The following ZNF184 variants were observed in gnomAD, a reference collection of about 807,000 sequenced individuals.
ZNF184 encodes zinc finger protein 184, also known as zinc finger protein 184 (Kruppel-like).
A neutral mutation model predicts 54.4 loss-of-function variants in ZNF184; 16 were observed. The ratio of observed to expected loss-of-function variants is 0.29; its 90% CI spans 0.20 to 0.45. The LOEUF (loss-of-function observed/expected upper bound fraction) is 0.45, where lower values mean the gene tolerates loss of function less well. ZNF184 is among the 20% of genes least tolerant of loss of function. The pLI, the probability that ZNF184 is intolerant of heterozygous loss-of-function variation, is 1.00. For missense variants in ZNF184, 681 were observed against 888.2 expected, an observed-to-expected ratio of 0.77 and a Z score of 2.97; for synonymous variants, 254 against 295.3, an observed-to-expected ratio of 0.86 and a Z score of 1.43.
the ZNF184 span, among the ~76,000 whole-genome samples, chr6:27,445,007 G>A: frequency 6.6e-6 from 1 of 152,304 alleles, no homozygotes; most frequent in Admixed American, 6.5e-5. Flanking sequence ...GGTGGTGGGA[G>A]TGTAAATTGG....
At chr6:27,438,463 CT>C in the ZNF184 span, among the ~76,000 whole-genome samples, 2 of 152,056 alleles carry the variant, frequency 1.3e-5, no homozygotes, top group Admixed American at 6.6e-5. Flanking sequence ...ATTGGACATG[CT>C]TTTTTTAATT....
intron 2 of ZNF184, among the ~76,000 whole-genome samples, chr6:27,471,398 G>C (rs1763271621): frequency 6.6e-6 from 1 of 152,150 alleles, no homozygotes; most frequent in Non-Finnish European, 1.5e-5. Context: ...TGTAAATCTA[G>C]ATCACTGCAG....
intron 3 of ZNF184, among the ~76,000 whole-genome samples, chr6:27,461,200 T>C (rs1762986324): frequency 6.6e-6 from 1 of 152,194 alleles, no homozygotes; most frequent in African/African-American, 2.4e-5. Context: ...CAGGATTCCC[T>C]GGGTAGACAT....
chr6:27,453,400 G>A lies in ZNF184; in HGVS notation c.299-140C>T. On this transcript the variant is annotated intron_variant, in intron 5 of 5. Transcript: ENST00000683788. This position sits in a 1 kb window ranked among gnomAD's most constrained non-coding sequence, Gnocchi z 4.7. ...CAAATATATAGCCATATTATTTGGG[G>A]AGAAAGTTGGAAGGAGCTAAGGAGA... The A allele has an allele frequency of 1.2e-6, 1 of 865,846 alleles. No individual in the cohort carries two copies. Among genetic ancestry groups the A allele is most frequent in the Non-Finnish European group, 1.6e-6 (1 of 613,288 alleles). 53.6% of individuals were successfully genotyped at this position (865,846 alleles called of 1,614,324 possible).
the ZNF184 span, among the ~76,000 whole-genome samples, chr6:27,410,720 C>T: frequency 2.4e-4 from 36 of 152,178 alleles, no homozygotes; most frequent in South Asian, 2.3e-3. Context: ...TTAGTAGAGA[C>T]GGGGTTTCAG....
At chr6:27,423,738 G>T in the ZNF184 span, among the ~76,000 whole-genome samples, 1 of 152,148 alleles carries the variant, frequency 6.6e-6, no homozygotes, top group African/African-American at 2.4e-5. Flanking sequence ...TATATACAAA[G>T]AAAGATTATG....
chr6:27,463,127 G>T (rs1763041005), intron 3 of ZNF184, among the ~76,000 whole-genome samples: 1 of 121,606 alleles, frequency 8.2e-6, no homozygotes, highest in African/African-American at 3.1e-5. Flanking sequence ...GACTGTTGTG[G>T]GGTGGGGGGA....
At chr6:27,457,912 T>C (rs1308762734) in intron 3 of ZNF184, among the ~76,000 whole-genome samples, 1 of 152,178 alleles carries the variant, frequency 6.6e-6, no homozygotes, top group Admixed American at 6.5e-5. Context: ...AACAGATTCA[T>C]ATTTATAAGA....
the ZNF184 span, among the ~76,000 whole-genome samples, chr6:27,429,680 ATTCTC>A: frequency 6.6e-6 from 1 of 152,118 alleles, no homozygotes; most frequent in Non-Finnish European, 1.5e-5. Context: ...GCTTTGCACT[ATTCTC>A]TTCTTTTTGC....
the ZNF184 span, among the ~76,000 whole-genome samples, chr6:27,445,721 C>CAAAAAAAAAAAAAA: frequency 4.6e-5 from 6 of 129,196 alleles, no homozygotes; most frequent in Non-Finnish European, 6.5e-5. Context: ...TCTGTTATAG[C>CAAAAAAAAAAAAAA]AAAAAAAAAA....
intron 5 of ZNF184, among the ~76,000 whole-genome samples, chr6:27,456,126 C>T (rs1581577881): frequency 6.6e-6 from 1 of 152,060 alleles, no homozygotes; most frequent in South Asian, 2.1e-4. Flanking sequence ...GGCATGGTGG[C>T]GTGCACCTGT....
chr6:27,433,976 T>TCCTTCCTTCCTCTCCCTC, the ZNF184 span, among the ~76,000 whole-genome samples: 14 of 136,266 alleles, frequency 1.0e-4, no homozygotes, highest in Non-Finnish European at 1.5e-4. Context: ...CTCCCTCCCT[T>TCCTTCCTTCCTCTCCCTC]CCTTCCTTCC....
chr6:27,416,384 A>G, the ZNF184 span, among the ~76,000 whole-genome samples: 346 of 152,216 alleles, frequency 2.3e-3, 2 homozygotes, highest in Non-Finnish European at 4.5e-3. Context: ...AAATGAATAA[A>G]CCTAAATTGA....
the ZNF184 span, among the ~76,000 whole-genome samples, chr6:27,445,421 G>A: frequency 3.3e-5 from 5 of 152,262 alleles, no homozygotes; most frequent in East Asian, 1.9e-4. Context: ...CCATTGTGAC[G>A]GTAATAAGAG....
the ZNF184 span, among the ~76,000 whole-genome samples, chr6:27,413,296 G>T: frequency 6.6e-6 from 1 of 152,176 alleles, no homozygotes; most frequent in African/African-American, 2.4e-5. Flanking sequence ...TTAAGAAAAT[G>T]AGTTTGAGGG....
rs7750795 is a variant in ZNF184, at chr6:27,472,225, A to T, written c.7+63T>A. 1.7e-5 allele frequency: 27 copies of T among 1,599,472 alleles called. 1 individual carries two copies. In the Middle Eastern group the frequency reaches 1.2e-3, roughly 69 times the overall value. ...CCTGCTCTGATCTCAAGTATTTGAT[A>T]CTCCAGTCATGACTGTTCTCAAGCC... is the stretch of plus-strand genomic sequence containing the variant. On this transcript the variant is annotated intron_variant, in intron 2 of 5. Transcript: ENST00000683788. The surrounding 1 kb of genome is among the most constrained non-coding windows in gnomAD (Gnocchi z 4.8).
At chr6:27,431,814 CT>C in the ZNF184 span, among the ~76,000 whole-genome samples, 6 of 152,122 alleles carry the variant, frequency 3.9e-5, no homozygotes, top group African/African-American at 1.4e-4. Context: ...CATTGGGGTG[CT>C]GGGATGGCAC....
chr6:27,455,904 G>C (rs192182274), intron 5 of ZNF184, among the ~76,000 whole-genome samples: 71 of 152,244 alleles, frequency 4.7e-4, no homozygotes, highest in African/African-American at 1.7e-3. Context: ...ATGCAGTTTG[G>C]AAACTGATGA....
intron 2 of ZNF184, among the ~76,000 whole-genome samples, chr6:27,471,580 ATTT>A (rs1763276826): frequency 6.6e-6 from 1 of 152,244 alleles, no homozygotes; most frequent in Non-Finnish European, 1.5e-5. Context: ...TAGGCACTGC[ATTT>A]TAAGAAAAAT....
Sources: allele counts gnomAD v4.1 joint callset (sites outside exome capture counted in the v4.1 genomes callset), GRCh38; gene constraint gnomAD v4.1.1; non-coding constraint Gnocchi (gnomAD v3.1); transcripts MANE v1.5; gene names NCBI Gene and HGNC (gene_info 2026-07-23, HGNC 2026-07-21).